Variants in WNK2 observed in about 807,000 individuals in gnomAD.
WNK2 encodes serine/threonine-protein kinase WNK2.
Under a neutral mutation model 192.1 loss-of-function variants are expected in WNK2, and 67 were observed. The ratio of observed to expected loss-of-function variants is 0.35; its 90% CI spans 0.29 to 0.43. WNK2 has a LOEUF of 0.43. WNK2 is among the 20% of genes least tolerant of loss of function. WNK2 has a pLI of 1.00. For missense variants in WNK2, 2,698 were observed against 3,089.7 expected (o/e 0.87, Z 3.01); for synonymous variants, 1,439 against 1,393.9 (o/e 1.03, Z -0.72).
At chr9:93,212,084 A>C (rs1038330063) in intron 2 of WNK2, among the ~76,000 whole-genome samples, 2 of 152,130 alleles carry the variant, frequency 1.3e-5, no homozygotes, top group African/African-American at 4.8e-5. Flanking sequence ...CTACTCATTC[A>C]TCATCGGTTC....
At chr9:93,243,402 A>G (rs1841113131) in intron 7 of WNK2, among the ~76,000 whole-genome samples, 1 of 152,160 alleles carries the variant, frequency 6.6e-6, no homozygotes, top group Non-Finnish European at 1.5e-5. Flanking sequence ...CAGTTGGCTG[A>G]ACTCTGCGGC....
chr9:93,289,156 G>T lies in WNK2; in HGVS notation c.4402G>T (p.Ala1468Ser). 1.3e-6 allele frequency: 2 copies of T among 1,599,634 alleles called. No homozygotes were observed. The highest frequency in any genetic ancestry group is 8.5e-7 in the Non-Finnish European group (1 of 1,173,656). The change falls in exon 20 of 30, where the codon GCC (alanine) becomes TCC (serine). Residue 1468 changes from alanine to serine, a missense_variant. Physicochemically the swap from Ala to Ser is moderately conservative, Grantham distance 99 (BLOSUM62 1). Coordinates refer to ENST00000427277, the MANE Select transcript of WNK2 (RefSeq NM_006648.4). ...TCCAGAGGCTGCCTCAACCAGGGAC[G>T]CCAGTGCCCCAAGGGAGCCCCTGCC... is the stretch of plus-strand genomic sequence containing the variant. ...PAPEAASTRD[A>S]SAPREPLPPP...
At chr9:93,202,366 GTA>G (rs1554679109) in intron 2 of WNK2, among the ~76,000 whole-genome samples, 2 of 149,714 alleles carry the variant, frequency 1.3e-5, no homozygotes, top group South Asian at 2.1e-4. Context: ...GTGTGTGTGT[GTA>G]TGTCTCGTCT....
At chr9:93,281,447 G>A (rs112612097) in intron 19 of WNK2, among the ~76,000 whole-genome samples, 91 of 152,284 alleles carry the variant, frequency 6.0e-4, no homozygotes, top group African/African-American at 1.9e-3. Context: ...AGGATGGATT[G>A]TACACTGCCA....
chr9:93,256,619 G>A, intron 10 of WNK2, 165 bp downstream of exon 10: 1 of 845,378 alleles, frequency 1.2e-6, no homozygotes, highest in Non-Finnish European at 1.8e-6. Context: ...ACTCTCGTAT[G>A]TGCATGTGTT....
intron 2 of WNK2, among the ~76,000 whole-genome samples, chr9:93,220,894 T>C (rs545612308): frequency 6.6e-6 from 1 of 152,226 alleles, no homozygotes; most frequent in Non-Finnish European, 1.5e-5. Context: ...CCAGCCTGGG[T>C]CCCCCTTTGG....
At chr9:93,291,653 A>G (rs571017796) in intron 21 of WNK2, among the ~76,000 whole-genome samples, 2 of 151,666 alleles carry the variant, frequency 1.3e-5, no homozygotes, top group African/African-American at 2.4e-5. Flanking sequence ...GGCGGCCCCA[A>G]CCTCCCCAGA....
intron 27 of WNK2, 82 bp from the exon 28 acceptor site, chr9:93,308,246 G>A (rs925348707): frequency 2.0e-5 from 30 of 1,490,662 alleles, no homozygotes; most frequent in South Asian, 1.8e-4. Context: ...CAGCTGTCAC[G>A]TAAGAATGAA....
At chr9:93,233,413 T>C (rs1049456825) in intron 4 of WNK2, among the ~76,000 whole-genome samples, 1 of 151,206 alleles carries the variant, frequency 6.6e-6, no homozygotes, top group Non-Finnish European at 1.5e-5. Flanking sequence ...TAAAAAAGAG[T>C]GGCCAGGCAC....
At position 93,253,928 on chromosome 9, in the gene WNK2, T is replaced by G. The variant is rs536486995; in HGVS notation, c.2034+846T>G. 2.6e-5 allele frequency among the ~76,000 whole-genome samples: 4 copies of G among 152,252 alleles called. No homozygotes were observed. In the East Asian group the frequency reaches 7.7e-4, roughly 29 times the overall value. The stretch of plus-strand genomic sequence containing the variant: ...AGAGCGTAGTTTGTTTATTTATTTG[T>G]TTATTTGAGATGGAGTCTTGCTCTG... On this transcript the variant is annotated intron_variant, in intron 9 of 29. Coordinates refer to ENST00000427277, the MANE Select transcript of WNK2 (RefSeq NM_006648.4).
intron 2 of WNK2, among the ~76,000 whole-genome samples, chr9:93,191,944 T>C (rs751218219): frequency 2.6e-5 from 4 of 151,810 alleles, no homozygotes; most frequent in Admixed American, 6.6e-5. Flanking sequence ...GAAGAATCGC[T>C]TGAACCCAGG....
At chr9:93,200,397 G>A (rs375228215) in intron 2 of WNK2, among the ~76,000 whole-genome samples, 10 of 152,312 alleles carry the variant, frequency 6.6e-5, no homozygotes, top group South Asian at 6.2e-4. Flanking sequence ...AGGAGGGCAC[G>A]TTCTGCATGT....
chr9:93,216,966 C>CGT (rs539088492), intron 2 of WNK2, among the ~76,000 whole-genome samples: 1 of 147,092 alleles, frequency 6.8e-6, no homozygotes, highest in Non-Finnish European at 1.5e-5. Context: ...TCAAAAAAAT[C>CGT]TTTTTTTTTT....
chr9:93,300,033 C>T lies in WNK2; in HGVS notation c.6116-18C>T, dbSNP rs771065435. On this transcript the variant is annotated intron_variant, in intron 25 of 29. Transcript: ENST00000427277. The stretch of plus-strand genomic sequence containing the variant: ...GATGAGTGTCTCTTTGTTTTCTTCC[C>T]TTTATATTCATTTGCAGGCTGGACG... The T allele has an allele frequency of 1.9e-6, 3 of 1,608,516 alleles. No individual in the cohort carries two copies. The highest frequency in any genetic ancestry group is 2.2e-5 in the East Asian group (1 of 44,846).
At chr9:93,205,620 CT>C (rs1366368099) in intron 2 of WNK2, among the ~76,000 whole-genome samples, 7 of 152,274 alleles carry the variant, frequency 4.6e-5, no homozygotes, top group Admixed American at 4.6e-4. Context: ...GCTGTGGAAG[CT>C]GGCGCCCGCT....
chr9:93,319,122 C>T lies in WNK2; in HGVS notation c.6629-1245C>T, dbSNP rs376337249. The T allele has an allele frequency of 3.2e-5, 51 of 1,613,964 alleles. No individual in the cohort carries two copies. In the African/African-American group the frequency reaches 5.1e-4, roughly 16 times the overall value. ...TCACCTGTCCCCCTTGCCTGTGAAT[C>T]CCTTCCTTGTACATGGTGGTCAGTG... On this transcript the variant is annotated intron_variant, in intron 29 of 29. Transcript: ENST00000427277.
chr9:93,233,258 A>G (rs948410391), intron 4 of WNK2, among the ~76,000 whole-genome samples: 2 of 152,122 alleles, frequency 1.3e-5, no homozygotes, highest in African/African-American at 4.8e-5. Context: ...ATGTGGTTAA[A>G]AAACCCAAAA....
chr9:93,240,140 A>C (rs950309107), intron 7 of WNK2, among the ~76,000 whole-genome samples, 164 bp downstream of exon 7: 4 of 152,154 alleles, frequency 2.6e-5, no homozygotes, highest in African/African-American at 9.7e-5. Flanking sequence ...GAGGTCTCAC[A>C]GCCTGGCCAC....
At chr9:93,304,920 T>G (rs930569505) in intron 26 of WNK2, among the ~76,000 whole-genome samples, 6 of 152,126 alleles carry the variant, frequency 3.9e-5, no homozygotes, top group Non-Finnish European at 8.8e-5. Context: ...GGCCCAAGTT[T>G]AGGAAGGGCC....
Sources: gnomAD v4.1 joint callset for allele counts (sites outside exome capture counted in the v4.1 genomes callset) on GRCh38, gnomAD v4.1.1 for gene constraint, MANE v1.5 for transcripts, NCBI Gene and HGNC (gene_info 2026-07-23, HGNC 2026-07-21) for gene names.